The following ZCCHC7 variants were observed in gnomAD, a reference collection of about 807,000 sequenced individuals.
ZCCHC7 encodes zinc finger CCHC domain-containing protein 7.
Under a neutral mutation model 52.0 loss-of-function variants are expected in ZCCHC7, and 35 were observed. That is an observed-to-expected ratio of 0.67 (90% CI 0.51 to 0.89). The LOEUF (loss-of-function observed/expected upper bound fraction) is 0.89. ZCCHC7 is among the 40% of genes least tolerant of loss of function. ZCCHC7 has a pLI of 0.00. For missense variants in ZCCHC7, 574 were observed against 649.1 expected, an observed-to-expected ratio of 0.88 and a Z score of 1.26; for synonymous variants, 217 against 221.5, an observed-to-expected ratio of 0.98 and a Z score of 0.18.
intron 2 of ZCCHC7, among the ~76,000 whole-genome samples, chr9:37,133,786 A>T (rs1842889183): frequency 6.6e-6 from 1 of 152,138 alleles, no homozygotes; most frequent in Non-Finnish European, 1.5e-5. Context: ...ACGGGGTTTC[A>T]CCATGTTGGC....
chr9:37,316,651 G>T (rs1473274080), intron 5 of ZCCHC7, among the ~76,000 whole-genome samples: 1 of 152,110 alleles, frequency 6.6e-6, no homozygotes. Flanking sequence ...TAAGAATTTG[G>T]CACAATGGAA....
At chr9:37,308,922 A>C (rs922877421) in intron 5 of ZCCHC7, among the ~76,000 whole-genome samples, 1 of 150,258 alleles carries the variant, frequency 6.7e-6, no homozygotes, top group Non-Finnish European at 1.5e-5. Flanking sequence ...CAGAGGTTGC[A>C]GTGAGCCAAG....
At chr9:37,281,426 C>CAA (rs1440177954) in intron 2 of ZCCHC7, among the ~76,000 whole-genome samples, 1 of 152,280 alleles carries the variant, frequency 6.6e-6, no homozygotes, top group East Asian at 1.9e-4. Flanking sequence ...GTTTTTCTCC[C>CAA]ATATTTAGGA....
At chr9:37,125,084 C>T (rs7019699) in intron 1 of ZCCHC7, among the ~76,000 whole-genome samples, 1 of 152,104 alleles carries the variant, frequency 6.6e-6, no homozygotes, top group Admixed American at 6.5e-5. Flanking sequence ...ACTCCTGACT[C>T]AAGTGATCCA....
chr9:37,331,267 T>C (rs939518317), intron 6 of ZCCHC7, among the ~76,000 whole-genome samples: 3 of 151,688 alleles, frequency 2.0e-5, no homozygotes, highest in African/African-American at 7.2e-5. Flanking sequence ...CTTGACTTCC[T>C]TTCTGGCCTA....
intron 2 of ZCCHC7, among the ~76,000 whole-genome samples, chr9:37,167,147 T>C (rs1821466140): frequency 6.6e-6 from 1 of 152,194 alleles, no homozygotes; most frequent in African/African-American, 2.4e-5. Flanking sequence ...TTTTTACTTT[T>C]TTCTCTCTGT....
rs76859414 is a variant in ZCCHC7 at position 37,206,806 on chromosome 9, C to T, written c.610+79864C>T. Among the ~76,000 whole-genome samples, 603 of 152,244 alleles carry T rather than the reference C, an allele frequency of 4.0e-3. 3 individuals carry two copies. Among genetic ancestry groups the T allele is most frequent in the African/African-American group, 0.014 (565 of 41,534 alleles). ...CCTTACAAGGTGGCCAGGAAACCTT[C>T]TCAATGTAAGATTCAACTTACCTAT... On this transcript the variant is annotated intron_variant, in intron 2 of 8. Transcript: ENST00000336755.
intron 2 of ZCCHC7, among the ~76,000 whole-genome samples, chr9:37,138,502 A>G (rs977084010): frequency 6.6e-6 from 1 of 152,172 alleles, no homozygotes; most frequent in African/African-American, 2.4e-5. Flanking sequence ...CTTTTCAACA[A>G]TGTTAAGTAC....
intron 6 of ZCCHC7, among the ~76,000 whole-genome samples, chr9:37,339,497 T>G (rs149194484): frequency 2.2e-4 from 34 of 152,328 alleles, no homozygotes; most frequent in Admixed American, 7.8e-4. Flanking sequence ...CTTTTAGGTT[T>G]CTTTATTTGA....
chr9:37,294,945 A>G (rs966919007), intron 2 of ZCCHC7, among the ~76,000 whole-genome samples: 9 of 152,216 alleles, frequency 5.9e-5, no homozygotes, highest in Non-Finnish European at 1.5e-5. Flanking sequence ...ATTTACTTCT[A>G]CTACTAGAGG....
chr9:37,246,658 C>T (rs1358116213), intron 2 of ZCCHC7, among the ~76,000 whole-genome samples: 1 of 151,922 alleles, frequency 6.6e-6, no homozygotes, highest in Non-Finnish European at 1.5e-5. Context: ...AAAAGTTGTA[C>T]GTATTTAACA....
intron 2 of ZCCHC7, among the ~76,000 whole-genome samples, chr9:37,139,751 C>T (rs1843144575): frequency 6.6e-6 from 1 of 151,904 alleles, no homozygotes; most frequent in African/African-American, 2.4e-5. Flanking sequence ...ATAACCACCT[C>T]AGTGTGAAAG....
chr9:37,342,669 G>A (rs72737788), intron 6 of ZCCHC7, among the ~76,000 whole-genome samples: 7,668 of 152,316 alleles, frequency 0.05, 294 homozygotes, highest in Middle Eastern at 0.2. Flanking sequence ...GTTGCAAGAG[G>A]AAGTGATCAC....
chr9:37,120,960 C>G (rs1382429060), intron 1 of ZCCHC7: 1 of 155,388 alleles, frequency 6.4e-6, no homozygotes, highest in African/African-American at 2.4e-5. Flanking sequence ...GGAAGCCAGT[C>G]AGTGAAGCGC....
chr9:37,146,016 G>A (rs563108740), intron 2 of ZCCHC7, among the ~76,000 whole-genome samples: 36 of 151,854 alleles, frequency 2.4e-4, no homozygotes, highest in African/African-American at 8.7e-4. Flanking sequence ...TTCAGACTTG[G>A]TATTTTATTT....
At chr9:37,134,684 T>G (rs1249222451) in intron 2 of ZCCHC7, among the ~76,000 whole-genome samples, 1 of 152,142 alleles carries the variant, frequency 6.6e-6, no homozygotes, top group African/African-American at 2.4e-5. Flanking sequence ...TGTATATCTT[T>G]GTACACTCTT....
At chr9:37,350,057 G>A (rs1821272302) in intron 7 of ZCCHC7, among the ~76,000 whole-genome samples, 1 of 151,792 alleles carries the variant, frequency 6.6e-6, no homozygotes, top group African/African-American at 2.4e-5. Context: ...CAAAGTTCTG[G>A]GATTACAGGC....
intron 2 of ZCCHC7, among the ~76,000 whole-genome samples, chr9:37,220,512 A>G (rs137922005): frequency 9.6e-4 from 146 of 152,328 alleles, no homozygotes; most frequent in African/African-American, 3.4e-3. Context: ...ACTGCGCTTC[A>G]GCCTGGGTGA....
intron 2 of ZCCHC7, among the ~76,000 whole-genome samples, chr9:37,237,864 C>T (rs948208477): frequency 2.0e-5 from 3 of 151,834 alleles, no homozygotes; most frequent in African/African-American, 7.3e-5. Context: ...TGGATCACAG[C>T]ATTATAAAGG....
Sources: allele counts gnomAD v4.1 joint callset (sites outside exome capture counted in the v4.1 genomes callset), GRCh38; gene constraint gnomAD v4.1.1; transcripts MANE v1.5; gene names NCBI Gene and HGNC (gene_info 2026-07-23, HGNC 2026-07-21).